PLCXD3: variants seen among roughly 807,000 people sequenced by gnomAD.
PLCXD3 encodes the protein phosphatidylinositol specific phospholipase C X domain containing 3.
In PLCXD3, 19 loss-of-function variants were observed where a neutral mutation model predicts 25.5. The ratio of observed to expected loss-of-function variants is 0.75; its 90% confidence interval spans 0.52 to 1.09. The LOEUF (loss-of-function observed/expected upper bound fraction) is 1.09. Ranked by LOEUF, PLCXD3 falls within the 50% of genes least tolerant of loss-of-function variation. PLCXD3 has a pLI of 0.00. For missense variants in PLCXD3, 411 were observed against 388.1 expected (o/e 1.06, Z -0.50); for synonymous variants, 174 against 137.6 (o/e 1.26, Z -1.85).
At chr5:41,327,154 A>G (rs1743654139) in intron 2 of PLCXD3, among the ~76,000 whole-genome samples, 1 of 152,196 alleles carries the variant, frequency 6.6e-6, no homozygotes, top group South Asian at 2.1e-4. Context: ...GGAAGGTATC[A>G]TAAGAAAAGG....
intron 2 of PLCXD3, among the ~76,000 whole-genome samples, chr5:41,367,426 A>T (rs937510606): frequency 6.6e-6 from 1 of 152,186 alleles, no homozygotes; most frequent in Middle Eastern, 3.4e-3. Context: ...TTTGTTGGCC[A>T]TAATAACGTC....
intron 2 of PLCXD3, among the ~76,000 whole-genome samples, chr5:41,360,485 CTA>C (rs1252309225): frequency 6.6e-6 from 1 of 152,146 alleles, no homozygotes; most frequent in Non-Finnish European, 1.5e-5. Context: ...TTTGGGAAGA[CTA>C]TGTCAGAGGG....
chr5:41,413,690 G>C (rs1580360555), intron 1 of PLCXD3, among the ~76,000 whole-genome samples: 1 of 152,008 alleles, frequency 6.6e-6, no homozygotes, highest in Non-Finnish European at 1.5e-5. Context: ...ATTATTACTA[G>C]TTTAGGCAAT....
chr5:41,441,994 A>T (rs867729014), intron 1 of PLCXD3, among the ~76,000 whole-genome samples: 1 of 152,246 alleles, frequency 6.6e-6, no homozygotes, highest in Non-Finnish European at 1.5e-5. Flanking sequence ...AGCAAAATTT[A>T]GATTTTCAGT....
At chr5:41,484,126 T>C (rs965018456) in intron 1 of PLCXD3, among the ~76,000 whole-genome samples, 1 of 152,040 alleles carries the variant, frequency 6.6e-6, no homozygotes, top group Non-Finnish European at 1.5e-5. Flanking sequence ...CATTTTAATA[T>C]AAACATTAGG....
intron 1 of PLCXD3, among the ~76,000 whole-genome samples, chr5:41,438,685 A>T (rs894445156): frequency 2.6e-5 from 4 of 152,106 alleles, no homozygotes; most frequent in African/African-American, 9.7e-5. Flanking sequence ...TTTCCTTGTC[A>T]TGTGACAAGA....
At chr5:41,421,702 A>G (rs890141820) in intron 1 of PLCXD3, among the ~76,000 whole-genome samples, 1 of 152,222 alleles carries the variant, frequency 6.6e-6, no homozygotes, top group African/African-American at 2.4e-5. Flanking sequence ...CTCCTTCTCA[A>G]AAAAACAAAA....
At chr5:41,376,403 T>C (rs1414088878) in intron 2 of PLCXD3, among the ~76,000 whole-genome samples, 1 of 152,096 alleles carries the variant, frequency 6.6e-6, no homozygotes, top group Non-Finnish European at 1.5e-5. Context: ...GTGGGTTTCA[T>C]CCTCTGAAGT....
chr5:41,498,274 G>GT (rs1748882713), intron 1 of PLCXD3, among the ~76,000 whole-genome samples: 3 of 151,182 alleles, frequency 2.0e-5, no homozygotes, highest in African/African-American at 7.3e-5. Context: ...ATAAACATAA[G>GT]TGACATTTAG....
intron 1 of PLCXD3, among the ~76,000 whole-genome samples, chr5:41,457,045 A>G (rs1401789774): frequency 3.3e-5 from 5 of 151,970 alleles, no homozygotes; most frequent in Admixed American, 2.0e-4. Flanking sequence ...TACCCAACCC[A>G]TATGAGTCAA....
Position 41,315,323 on chromosome 5 carries a change from A to G in PLCXD3, c.813-1553T>C, listed in dbSNP as rs369072156. 4.2e-4 allele frequency among the ~76,000 whole-genome samples: 64 copies of G among 152,086 alleles called. No individual in the cohort carries two copies. In the East Asian group the frequency reaches 8.5e-3, roughly 20 times the overall value. On this transcript the variant is annotated intron_variant, in intron 2 of 2. Coordinates refer to ENST00000377801, the MANE Select transcript of PLCXD3 (RefSeq NM_001005473.3). ...ATTCCTGGATGAAATGGAGAGGGAG[A>G]GGGAGAGAAAAGGGAAGAAGGGGAG...
chr5:41,314,181 G>A lies in PLCXD3; in HGVS notation c.813-411C>T, dbSNP rs188372988. ...TATGAACCCACTATTATGAGGAAAT[G>A]TGCTAAGATATTGTAAATAGACATA... On this transcript the variant is annotated intron_variant, in intron 2 of 2. Coordinates refer to ENST00000377801, the MANE Select transcript of PLCXD3 (RefSeq NM_001005473.3). Among the ~76,000 whole-genome samples the A allele has an allele frequency of 2.3e-3, 355 of 152,334 alleles. 2 individuals carry two copies. Among genetic ancestry groups the A allele is most frequent in the African/African-American group, 7.6e-3 (315 of 41,572 alleles).
At chr5:41,403,401 G>GTTTGTTTGTTTTTT (rs1554047951) in intron 1 of PLCXD3, among the ~76,000 whole-genome samples, 2 of 18,410 alleles carry the variant, frequency 1.1e-4, no homozygotes, top group Non-Finnish European at 2.8e-4. Context: ...CTTATTTGTT[G>GTTTGTTTGTTTTTT]TTTTTTTTTT....
intron 2 of PLCXD3, among the ~76,000 whole-genome samples, chr5:41,373,891 C>T (rs1745200170): frequency 6.6e-6 from 1 of 151,988 alleles, no homozygotes; most frequent in African/African-American, 2.4e-5. Flanking sequence ...CTTATTAGTG[C>T]AATAATCCTA....
intron 1 of PLCXD3, among the ~76,000 whole-genome samples, chr5:41,500,663 G>A (rs756938318): frequency 4.0e-5 from 6 of 151,726 alleles, no homozygotes; most frequent in Non-Finnish European, 8.8e-5. Flanking sequence ...AGTTGGGTTT[G>A]GCAATGAGTT....
At chr5:41,344,046 T>C (rs1374469735) in intron 2 of PLCXD3, among the ~76,000 whole-genome samples, 1 of 152,136 alleles carries the variant, frequency 6.6e-6, no homozygotes, top group African/African-American at 2.4e-5. Flanking sequence ...TAAAACATTA[T>C]CTTGAACTGA....
At chr5:41,507,739 T>C (rs1156977809) in intron 1 of PLCXD3, among the ~76,000 whole-genome samples, 1 of 152,186 alleles carries the variant, frequency 6.6e-6, no homozygotes, top group Non-Finnish European at 1.5e-5. Flanking sequence ...GCAGTTTCCC[T>C]CAACAGAAAC....
At chr5:41,507,562 G>C (rs1031219495) in intron 1 of PLCXD3, among the ~76,000 whole-genome samples, 3 of 152,148 alleles carry the variant, frequency 2.0e-5, no homozygotes, top group Non-Finnish European at 4.4e-5. Flanking sequence ...TAAAGACACC[G>C]GAACTGTGCT....
intron 1 of PLCXD3, among the ~76,000 whole-genome samples, chr5:41,403,408 T>TTTTGTTTTTGTTTTTGTTTA (rs1554047962): frequency 3.8e-5 from 1 of 26,230 alleles, no homozygotes; most frequent in African/African-American, 1.7e-4. Context: ...GTTGTTTTTT[T>TTTTGTTTTTGTTTTTGTTTA]TTTTTTTTAT....
Sources: allele counts gnomAD v4.1 joint callset (sites outside exome capture counted in the v4.1 genomes callset), GRCh38; gene constraint gnomAD v4.1.1; transcripts MANE v1.5; gene names NCBI Gene and HGNC (gene_info 2026-07-23, HGNC 2026-07-21).